Variants in CCBE1 observed in about 807,000 individuals in gnomAD.
The protein encoded by CCBE1 is collagen and calcium-binding EGF domain-containing protein 1.
Under a neutral mutation model 50.0 loss-of-function variants are expected in CCBE1, and 37 were observed. The observed-to-expected ratio is 0.74, with a 90% CI of 0.57 to 0.97. CCBE1 has a LOEUF of 0.97. Ranked by LOEUF, CCBE1 falls within the 50% of genes least tolerant of loss-of-function variation. CCBE1 has a pLI of 0.00. For synonymous variants in CCBE1, 234 were observed against 203.7 expected (o/e 1.15, Z -1.27); for missense variants, 538 against 523.8 (o/e 1.03, Z -0.26).
intron 6 of CCBE1, among the ~76,000 whole-genome samples, chr18:59,453,515 A>T (rs965489882): frequency 6.6e-6 from 1 of 152,192 alleles, no homozygotes; most frequent in Non-Finnish European, 1.5e-5. Flanking sequence ...GTTTCTGTTA[A>T]GCAGATCACG....
At chr18:59,503,468 C>T (rs951495450) in intron 2 of CCBE1, among the ~76,000 whole-genome samples, 7 of 152,184 alleles carry the variant, frequency 4.6e-5, no homozygotes, top group Admixed American at 1.3e-4. Flanking sequence ...CCAGATCTGC[C>T]TTACTCCAAG....
chr18:59,667,538 G>A (rs138025954), intron 2 of CCBE1, among the ~76,000 whole-genome samples: 183 of 152,284 alleles, frequency 1.2e-3, no homozygotes, highest in African/African-American at 3.9e-3. Context: ...GCAATGAGAT[G>A]TGAGGCTAAA....
chr18:59,675,813 T>C (rs987119538), intron 2 of CCBE1, among the ~76,000 whole-genome samples: 2 of 152,146 alleles, frequency 1.3e-5, no homozygotes, highest in African/African-American at 4.8e-5. Context: ...ACATCAGACC[T>C]AGTGATGGGA....
intron 2 of CCBE1, among the ~76,000 whole-genome samples, chr18:59,530,396 C>T (rs758446703): frequency 4.6e-5 from 7 of 152,104 alleles, no homozygotes; most frequent in Non-Finnish European, 8.8e-5. Context: ...ATATTTAGAT[C>T]GCCTCAATAC....
intron 2 of CCBE1, among the ~76,000 whole-genome samples, chr18:59,536,711 T>G (rs1915263251): frequency 6.6e-6 from 1 of 152,122 alleles, no homozygotes; most frequent in African/African-American, 2.4e-5. Flanking sequence ...AACATTTGGC[T>G]GGGCGCAATG....
In CCBE1 at chr18:59,439,678, A is replaced by T; in HGVS notation, c.914T>A (p.Val305Glu). The T allele has an allele frequency of 6.2e-7, 1 of 1,614,196 alleles. No individual in the cohort carries two copies. The highest frequency in any genetic ancestry group is 8.5e-7 in the Non-Finnish European group (1 of 1,180,022). The change falls in exon 8 of 11, where the codon GTG becomes GAG. Residue 305 changes from valine to glutamate, a missense_variant and splice_region_variant. By Grantham distance (121) the Val-to-Glu change is moderately radical. Coordinates refer to ENST00000439986, the MANE Select transcript of CCBE1 (RefSeq NM_133459.4). ...SHIKQGRRGP[V>E]GPPGAPGRDG... Reference sequence around the variant, plus strand: ...GTGGATCTCTGATAAGATACTGACCACAGGGCCCCTCCGGCCTTGCTTAAT... The same window carrying T: ...GTGGATCTCTGATAAGATACTGACCTCAGGGCCCCTCCGGCCTTGCTTAAT...
In CCBE1 at chr18:59,456,867, T is replaced by C. The variant is rs1315432786; in HGVS notation, c.554-1916A>G. ...AGCTGAGCTCTCAGACTGTGCACCT[T>C]CAGCACAGCAGCAGGAAGTTTCAGA... On this transcript the variant is annotated intron_variant, in intron 5 of 10. Transcript: ENST00000439986. Among the ~76,000 whole-genome samples the C allele has an allele frequency of 2.6e-5, 4 of 152,250 alleles. No homozygotes were observed. In the East Asian group the frequency reaches 5.8e-4, roughly 22 times the overall value.
intron 2 of CCBE1, among the ~76,000 whole-genome samples, chr18:59,586,880 C>T (rs776348169): frequency 6.6e-6 from 1 of 152,188 alleles, no homozygotes; most frequent in Non-Finnish European, 1.5e-5. Context: ...ATAAAGCATT[C>T]TGCAAAGTAC....
intron 2 of CCBE1, among the ~76,000 whole-genome samples, chr18:59,587,034 G>C (rs995159720): frequency 3.3e-5 from 5 of 152,202 alleles, no homozygotes; most frequent in African/African-American, 1.2e-4. Context: ...TAAAAGAATA[G>C]ATATTCATTT....
intron 2 of CCBE1, among the ~76,000 whole-genome samples, chr18:59,692,374 C>A (rs1298761873): frequency 3.3e-5 from 5 of 152,164 alleles, no homozygotes; most frequent in African/African-American, 1.2e-4. Flanking sequence ...AATTAAAGCA[C>A]AGATATTAAA....
At chr18:59,498,091 G>A (rs1455672813) in intron 2 of CCBE1, among the ~76,000 whole-genome samples, 1 of 152,184 alleles carries the variant, frequency 6.6e-6, no homozygotes, top group East Asian at 1.9e-4. Context: ...GCCTAGGACT[G>A]CCTCATTTTC....
chr18:59,556,483 G>C (rs1387322537), intron 2 of CCBE1, among the ~76,000 whole-genome samples: 1 of 152,130 alleles, frequency 6.6e-6, no homozygotes, highest in East Asian at 1.9e-4. Context: ...CAGATGTGCT[G>C]TAATTACTTA....
intron 2 of CCBE1, among the ~76,000 whole-genome samples, chr18:59,546,886 A>G (rs1915705920): frequency 1.3e-5 from 2 of 152,206 alleles, no homozygotes; most frequent in South Asian, 4.1e-4. Flanking sequence ...GAGCTTGGCC[A>G]TTCTTTTTCT....
intron 2 of CCBE1, among the ~76,000 whole-genome samples, chr18:59,688,642 T>G (rs2054689407): frequency 6.6e-6 from 1 of 152,216 alleles, no homozygotes; most frequent in South Asian, 2.1e-4. Context: ...AAGTGAGTGC[T>G]CAATCAACTC....
intron 2 of CCBE1, among the ~76,000 whole-genome samples, chr18:59,506,891 C>A (rs575479853): frequency 3.3e-5 from 5 of 152,310 alleles, no homozygotes; most frequent in African/African-American, 1.2e-4. Flanking sequence ...TTAGTCTCCC[C>A]AGATATAGAA....
intron 2 of CCBE1, among the ~76,000 whole-genome samples, chr18:59,506,941 T>C (rs1913904320): frequency 6.6e-6 from 1 of 152,184 alleles, no homozygotes; most frequent in African/African-American, 2.4e-5. Context: ...CTGGGTCTTC[T>C]TTTCCTCCAA....
At position 59,466,740 on chromosome 18, in the gene CCBE1, A is replaced by G. The variant is rs771507895; in HGVS notation, c.552T>C (p.Thr184=). ...GATATTTAGACTTGCCCTACTTACC[A>G]GTGTCATTGGGATATTTGTCTCCCC... ...CTRGDKYPND[T]GHEKSENMVK... Residue 184 remains threonine (T), a splice_region_variant and synonymous_variant, in exon 5 of 11, where the codon ACT becomes ACC. Transcript: ENST00000439986. 21 of 1,612,078 alleles carry G rather than the reference A, an allele frequency of 1.3e-5. No homozygotes were observed. Among genetic ancestry groups the G allele is most frequent in the Non-Finnish European group, 1.4e-5 (16 of 1,179,124 alleles).
At chr18:59,643,736 G>A (rs774008140) in intron 2 of CCBE1, among the ~76,000 whole-genome samples, 8 of 145,644 alleles carry the variant, frequency 5.5e-5, no homozygotes, top group Non-Finnish European at 1.2e-4. Flanking sequence ...CAGGAGAATC[G>A]TTTGAACCCG....
intron 2 of CCBE1, among the ~76,000 whole-genome samples, chr18:59,668,262 AC>A (rs1319649647): frequency 1.3e-5 from 2 of 152,040 alleles, no homozygotes; most frequent in Admixed American, 6.6e-5. Context: ...TACTAAAAAT[AC>A]AAAAATTAGC....
Sources: allele counts gnomAD v4.1 joint callset (sites outside exome capture counted in the v4.1 genomes callset), GRCh38; gene constraint gnomAD v4.1.1; transcripts MANE v1.5; gene names NCBI Gene and HGNC (gene_info 2026-07-23, HGNC 2026-07-21).